Variants in ELMO1 observed in about 807,000 individuals in gnomAD.
The protein encoded by ELMO1 is engulfment and cell motility protein 1.
ELMO1 carries 26 observed loss-of-function variants against 98.9 expected under a neutral mutation model. The ratio of observed to expected loss-of-function variants is 0.26; its 90% confidence interval spans 0.19 to 0.36. The LOEUF is 0.36. Ranked by LOEUF, ELMO1 falls within the 10% of genes least tolerant of loss-of-function variation. The pLI is 1.00. For synonymous variants in ELMO1, 346 were observed against 346.0 expected (o/e 1.00, Z 0.00); for missense variants, 627 against 935.2 (o/e 0.67, Z 4.30).
chr7:37,250,505 T>C (rs914748079), intron 6 of ELMO1, among the ~76,000 whole-genome samples: 1 of 152,154 alleles, frequency 6.6e-6, no homozygotes, highest in Non-Finnish European at 1.5e-5. Flanking sequence ...TAATTTTTCA[T>C]AAGAAAAGAA....
intron 15 of ELMO1, among the ~76,000 whole-genome samples, chr7:37,075,031 T>C (rs1356334303): frequency 6.6e-6 from 1 of 152,206 alleles, no homozygotes. Flanking sequence ...TTCCCTGGAT[T>C]GTGTGTGAAG....
At chr7:37,086,289 A>AT (rs1280992686) in intron 15 of ELMO1, among the ~76,000 whole-genome samples, 6 of 151,462 alleles carry the variant, frequency 4.0e-5, no homozygotes, top group Admixed American at 6.6e-5. Flanking sequence ...TTTTAAAACA[A>AT]TTTTTTTGGC....
chr7:36,946,646 A>T (rs1337652113), intron 16 of ELMO1, among the ~76,000 whole-genome samples: 1 of 152,132 alleles, frequency 6.6e-6, no homozygotes, highest in Admixed American at 6.5e-5. Context: ...TTCTTCTAAA[A>T]CCATCAAGAT....
At position 37,216,630 on chromosome 7, in the gene ELMO1, C is replaced by T. The variant is rs773347856; in HGVS notation, c.831+15G>A. 6.7e-5 allele frequency: 108 copies of T among 1,613,594 alleles called. 1 individual carries two copies. The highest frequency in any genetic ancestry group is 3.3e-4 in the Middle Eastern group (2 of 6,078). Reference sequence around the variant, plus strand: ...CTCCTCCCCCACAAAGAGGTCACAGCGCATAGGTACTCACTGTTAAAATGA... The same window carrying T: ...CTCCTCCCCCACAAAGAGGTCACAGTGCATAGGTACTCACTGTTAAAATGA... On this transcript the variant is annotated intron_variant, in intron 11 of 21. Transcript: ENST00000310758.
At chr7:37,422,901 G>T (rs1423057782) in intron 1 of ELMO1, among the ~76,000 whole-genome samples, 1 of 152,194 alleles carries the variant, frequency 6.6e-6, no homozygotes, top group Admixed American at 6.5e-5. Flanking sequence ...ACCATTTATT[G>T]GCCGCAGCCC....
chr7:37,232,010 G>A (rs1334704399), intron 8 of ELMO1, among the ~76,000 whole-genome samples: 2 of 151,990 alleles, frequency 1.3e-5, no homozygotes, highest in South Asian at 2.1e-4. Context: ...CCACCACTGC[G>A]CCCGGCTAAT....
At chr7:37,411,069 C>A (rs1335174362) in intron 1 of ELMO1, among the ~76,000 whole-genome samples, 2 of 152,186 alleles carry the variant, frequency 1.3e-5, no homozygotes, top group Non-Finnish European at 1.5e-5. Context: ...GAAGTAGGAA[C>A]AAGAAGTAGT....
chr7:37,321,359 T>A (rs1005482410), intron 2 of ELMO1, among the ~76,000 whole-genome samples: 2 of 152,084 alleles, frequency 1.3e-5, no homozygotes, highest in African/African-American at 4.8e-5. Context: ...TAGAGTGATA[T>A]GAATAATATA....
chr7:37,227,948 T>C (rs1206220342), intron 8 of ELMO1, among the ~76,000 whole-genome samples: 2 of 152,196 alleles, frequency 1.3e-5, no homozygotes, highest in African/African-American at 4.8e-5. Flanking sequence ...ACCTCTTCCT[T>C]GACATAAATA....
intron 1 of ELMO1, among the ~76,000 whole-genome samples, chr7:37,380,144 T>C (rs113535830): frequency 3.9e-5 from 6 of 152,348 alleles, no homozygotes; most frequent in African/African-American, 1.4e-4. Flanking sequence ...TCTTCCAAGA[T>C]AGAGTACCTT....
chr7:37,090,367 G>T (rs979117361), intron 15 of ELMO1, among the ~76,000 whole-genome samples: 2 of 152,158 alleles, frequency 1.3e-5, no homozygotes, highest in African/African-American at 2.4e-5. Context: ...TAATTCTAGC[G>T]TGTTATTCCC....
intron 6 of ELMO1, among the ~76,000 whole-genome samples, chr7:37,253,639 T>C (rs1426961041): frequency 6.6e-6 from 1 of 151,382 alleles, no homozygotes; most frequent in Admixed American, 6.6e-5. Flanking sequence ...TGACGGGTTT[T>C]GGGTTCAGCA....
At chr7:37,334,187 C>T (rs1460295075) in intron 2 of ELMO1, among the ~76,000 whole-genome samples, 2 of 152,162 alleles carry the variant, frequency 1.3e-5, no homozygotes, top group Non-Finnish European at 2.9e-5. Context: ...GAGCCCCTGA[C>T]CTAGTCCATT....
intron 1 of ELMO1, among the ~76,000 whole-genome samples, chr7:37,382,314 C>T (rs1802611622): frequency 1.3e-5 from 2 of 152,162 alleles, no homozygotes; most frequent in South Asian, 2.1e-4. Context: ...AAAGTATACC[C>T]TTCACCCGTA....
At chr7:37,429,148 A>G (rs1396986194) in intron 1 of ELMO1, 1 of 152,250 alleles carries the variant, frequency 6.6e-6, no homozygotes, top group Non-Finnish European at 1.5e-5. Flanking sequence ...TTAAACTGTC[A>G]GGATCCAACT....
chr7:37,311,176 T>A lies in ELMO1; in HGVS notation c.192+3674A>T, dbSNP rs1025058936. ...CACTGCACCAAAAAAAAACCTCAGT[T>A]AATGGCCTAATAAGCAAAGGAAGAC... On this transcript the variant is annotated intron_variant, in intron 4 of 21. Transcript: ENST00000310758. 2.7e-5 allele frequency among the ~76,000 whole-genome samples: 4 copies of A among 149,664 alleles called. No individual in the cohort carries two copies. The South Asian group carries it at 6.6e-4, about 25-fold the overall frequency.
chr7:37,234,426 C>A (rs1245453921), intron 7 of ELMO1, among the ~76,000 whole-genome samples: 1 of 152,164 alleles, frequency 6.6e-6, no homozygotes, highest in Non-Finnish European at 1.5e-5. Flanking sequence ...TCAAAAATGA[C>A]CTTTGAAATT....
chr7:37,064,702 G>T (rs1197241819), intron 15 of ELMO1, among the ~76,000 whole-genome samples: 1 of 151,992 alleles, frequency 6.6e-6, no homozygotes, highest in East Asian at 1.9e-4. Flanking sequence ...AACCCTTCCT[G>T]CTTTTAAAAG....
intron 13 of ELMO1, among the ~76,000 whole-genome samples, chr7:37,174,099 G>A (rs1328373554): frequency 5.3e-5 from 8 of 152,098 alleles, no homozygotes; most frequent in Admixed American, 5.2e-4. Context: ...CATGACTGGG[G>A]GGCTTAAATC....
Sources: allele counts gnomAD v4.1 joint callset (sites outside exome capture counted in the v4.1 genomes callset), GRCh38; gene constraint gnomAD v4.1.1; transcripts MANE v1.5; gene names NCBI Gene and HGNC (gene_info 2026-07-23, HGNC 2026-07-21).